DCDC1: variants seen among roughly 807,000 people sequenced by gnomAD.
DCDC1 encodes doublecortin domain containing 1.
DCDC1 carries 200 observed loss-of-function variants against 178.3 expected under a neutral mutation model. The ratio of observed to expected loss-of-function variants is 1.12; its 90% CI spans 1.00 to 1.26. DCDC1 has a LOEUF of 1.26. DCDC1 is among the 50% of genes most tolerant of loss of function. The probability of loss-of-function intolerance (pLI) is 0.00; values close to 1 mark genes in which losing one functional copy is unlikely to be tolerated. For synonymous variants in DCDC1, 690 were observed against 604.8 expected, an observed-to-expected ratio of 1.14 and a Z score of -2.07; for missense variants, 1,983 against 1,749.2, an observed-to-expected ratio of 1.13 and a Z score of -2.38.
At chr11:31,169,293 T>A (rs1232404832) in intron 9 of DCDC1, among the ~76,000 whole-genome samples, 1 of 152,198 alleles carries the variant, frequency 6.6e-6, no homozygotes, top group Non-Finnish European at 1.5e-5. Flanking sequence ...CAAACTACCA[T>A]GGCACATGTA....
At chr11:30,911,449 A>G (rs1165100910) in intron 27 of DCDC1, 29 bp from the exon 28 acceptor site, 5 of 1,548,816 alleles carry the variant, frequency 3.2e-6, no homozygotes, top group Non-Finnish European at 4.4e-6. Context: ...GCCACATTAC[A>G]AAGTAGCATG....
At chr11:30,888,575 G>A (rs1243751070) in intron 36 of DCDC1, among the ~76,000 whole-genome samples, 2 of 152,122 alleles carry the variant, frequency 1.3e-5, no homozygotes, top group Non-Finnish European at 2.9e-5. Context: ...AAATTAGCCA[G>A]GTGTGGTGGC....
chr11:30,996,601 C>A (rs1951287403), intron 20 of DCDC1, among the ~76,000 whole-genome samples: 2 of 152,138 alleles, frequency 1.3e-5, no homozygotes. Context: ...CTGTATTCTG[C>A]CTTGCGGGGA....
At chr11:31,118,610 TGA>T (rs940143977) in intron 11 of DCDC1, among the ~76,000 whole-genome samples, 4 of 152,220 alleles carry the variant, frequency 2.6e-5, no homozygotes, top group Non-Finnish European at 4.4e-5. Flanking sequence ...AAAAGCTAAT[TGA>T]GAGGTAAAAA....
In DCDC1 at chr11:30,892,948, A is replaced by G; in HGVS notation, c.4952T>C (p.Ile1651Thr). The G allele has an allele frequency of 6.2e-7, 1 of 1,613,952 alleles. No homozygotes were observed. The highest frequency in any genetic ancestry group is 1.1e-5 in the South Asian group (1 of 91,078). The change falls in exon 36 of 39, where the codon ATT becomes ACT. Residue 1651 changes from isoleucine (I) to threonine (T), a missense_variant. By Grantham distance (89) the Ile-to-Thr change is moderately conservative (BLOSUM62 -1). Transcript: ENST00000684477. ...QEMESKINFP[I>T]ATKRIAVKPS... ...CTTGACTGCTATACGTTTGGTTGCA[A>G]TTGGAAAATTTATTTTGGATTCCAT...
chr11:31,035,928 A>C (rs1197312240), intron 20 of DCDC1, among the ~76,000 whole-genome samples: 1 of 152,118 alleles, frequency 6.6e-6, no homozygotes, highest in East Asian at 1.9e-4. Context: ...TAAATTCATA[A>C]ATATTTATCT....
intron 7 of DCDC1, among the ~76,000 whole-genome samples, chr11:31,286,308 T>C (rs1946830416): frequency 6.6e-6 from 1 of 152,100 alleles, no homozygotes; most frequent in Non-Finnish European, 1.5e-5. Flanking sequence ...AGTAAGTATA[T>C]GACGCCTCCA....
chr11:31,090,989 T>G lies in DCDC1; in HGVS notation c.2237+404A>C, dbSNP rs191506556. 9.8e-5 allele frequency among the ~76,000 whole-genome samples: 15 copies of G among 152,294 alleles called. No individual in the cohort carries two copies. The East Asian group carries it at 2.1e-3, about 22-fold the overall frequency. On this transcript the variant is annotated intron_variant, in intron 17 of 38. Coordinates refer to ENST00000684477, the MANE Select transcript of DCDC1 (RefSeq NM_001387274.1). ...CTTACAGTCCGTTACAAGCCAGCAT[T>G]TTTTGGTCTCTGTGATTATTCTTTC...
intron 9 of DCDC1, among the ~76,000 whole-genome samples, chr11:31,202,696 A>T (rs1971431814): frequency 6.6e-6 from 1 of 152,204 alleles, no homozygotes; most frequent in Non-Finnish European, 1.5e-5. Flanking sequence ...AAACCAAGAT[A>T]ACCAACATAA....
intron 17 of DCDC1, among the ~76,000 whole-genome samples, chr11:31,081,419 C>A (rs968686221): frequency 1.3e-5 from 2 of 152,100 alleles, no homozygotes; most frequent in Admixed American, 6.6e-5. Flanking sequence ...ATCATCCTGG[C>A]TAACATGGTG....
chr11:31,298,822 G>A (rs1319698951), intron 6 of DCDC1, among the ~76,000 whole-genome samples: 1 of 152,078 alleles, frequency 6.6e-6, no homozygotes, highest in Non-Finnish European at 1.5e-5. Flanking sequence ...AAAGAATGCT[G>A]CCTTCTTTTA....
intron 21 of DCDC1, among the ~76,000 whole-genome samples, chr11:30,946,677 T>C (rs1225738104): frequency 6.6e-6 from 1 of 152,176 alleles, no homozygotes; most frequent in Non-Finnish European, 1.5e-5. Context: ...AAAAACTTGG[T>C]TGAGACCAGA....
chr11:31,203,417 G>T (rs909750863), intron 9 of DCDC1, among the ~76,000 whole-genome samples: 2 of 152,168 alleles, frequency 1.3e-5, no homozygotes, highest in Non-Finnish European at 2.9e-5. Flanking sequence ...CTGTGTTTCT[G>T]AGGTCATAGG....
Position 30,954,050 on chromosome 11 carries a change from C to T in DCDC1, c.2592-1482G>A, listed in dbSNP as rs544570777. Among the ~76,000 whole-genome samples, 1,085 of 124,464 alleles carry T rather than the reference C, an allele frequency of 8.7e-3. 5 individuals carry two copies. Among genetic ancestry groups the T allele is most frequent in the Middle Eastern group, 0.022 (3 of 136 alleles). 81.7% of individuals were successfully genotyped at this position (124,464 alleles called of 152,430 possible). A position where few individuals can be genotyped will look rare whatever the true frequency, so the allele number is the denominator to read the frequency against. On this transcript the variant is annotated intron_variant, in intron 20 of 38. Transcript: ENST00000684477. ...TTTTTGAGACAGAGTCTCGCTCTGTCGCCCAGGCTGGAATGCAGTGGCTCG... is the reference window on the plus strand; with the variant it reads ...TTTTTGAGACAGAGTCTCGCTCTGTTGCCCAGGCTGGAATGCAGTGGCTCG...
chr11:30,915,536 G>A lies in DCDC1; in HGVS notation c.3628C>T (p.Arg1210Cys), dbSNP rs377384416. ...CTGCTGTCTTCCTGGTGTATCCAGC[G>A]CTGATGACTACCATCAGATTTCTTC... Reference protein sequence around the residue: ...VEKKSDGSHQRWIHQEDSRTF... With the variant: ...VEKKSDGSHQCWIHQEDSRTF... Residue 1210 changes from arginine to cysteine, a missense_variant, in exon 27 of 39, where the codon CGC (arginine) becomes TGC (cysteine). By Grantham distance (180) the Arg-to-Cys change is radical. Coordinates refer to ENST00000684477, the MANE Select transcript of DCDC1 (RefSeq NM_001387274.1). The A allele has an allele frequency of 1.1e-5, 17 of 1,613,744 alleles. No individual in the cohort carries two copies. Among genetic ancestry groups the A allele is most frequent in the East Asian group, 6.7e-5 (3 of 44,878 alleles).
At chr11:31,073,004 G>A (rs1956661810) in intron 18 of DCDC1, among the ~76,000 whole-genome samples, 1 of 152,034 alleles carries the variant, frequency 6.6e-6, no homozygotes, top group South Asian at 2.1e-4. Flanking sequence ...AATAACATGA[G>A]CTCCATTTAT....
chr11:30,980,044 C>G (rs1950311436), intron 20 of DCDC1, among the ~76,000 whole-genome samples: 1 of 152,156 alleles, frequency 6.6e-6, no homozygotes, highest in Non-Finnish European at 1.5e-5. Context: ...ATATTTGTCA[C>G]AGCTTGATAT....
At chr11:31,187,848 C>T (rs549529062) in intron 9 of DCDC1, among the ~76,000 whole-genome samples, 1 of 152,116 alleles carries the variant, frequency 6.6e-6, no homozygotes, top group East Asian at 1.9e-4. Context: ...CATCCCTTCG[C>T]CAAATAATGG....
intron 6 of DCDC1, among the ~76,000 whole-genome samples, chr11:31,294,271 G>A (rs1453910579): frequency 6.6e-6 from 1 of 151,836 alleles, no homozygotes; most frequent in Non-Finnish European, 1.5e-5. Flanking sequence ...ATGAGGATAG[G>A]CCTGGCATGT....
Sources: allele counts gnomAD v4.1 joint callset (sites outside exome capture counted in the v4.1 genomes callset), GRCh38; gene constraint gnomAD v4.1.1; transcripts MANE v1.5; gene names NCBI Gene and HGNC (gene_info 2026-07-23, HGNC 2026-07-21).